Variants in RAPGEF4 observed in about 807,000 individuals in gnomAD.
RAPGEF4 encodes the protein Rap guanine nucleotide exchange factor 4.
In RAPGEF4, 66 loss-of-function variants were observed where a neutral mutation model predicts 147.9. The observed-to-expected ratio is 0.45, with a 90% CI of 0.37 to 0.55. RAPGEF4 has a LOEUF of 0.55. Ranked by LOEUF, RAPGEF4 falls within the 20% of genes least tolerant of loss-of-function variation. The pLI is 0.00. For missense variants in RAPGEF4, 1,071 were observed against 1,257.3 expected (o/e 0.85, Z 2.24); for synonymous variants, 419 against 442.7 (o/e 0.95, Z 0.67).
At chr2:172,875,079 C>G (rs1451191266) in intron 4 of RAPGEF4, among the ~76,000 whole-genome samples, 2 of 152,290 alleles carry the variant, frequency 1.3e-5, no homozygotes, top group East Asian at 3.9e-4. Context: ...CCTTTGCCCA[C>G]TTTTTGATGG....
At chr2:172,793,853 A>C (rs561331994) in intron 1 of RAPGEF4, among the ~76,000 whole-genome samples, 1 of 152,304 alleles carries the variant, frequency 6.6e-6, no homozygotes, top group African/African-American at 2.4e-5. Context: ...AAATATGAAC[A>C]GACTGGGCAT....
chr2:173,041,385 C>T (rs1684742965), intron 29 of RAPGEF4, among the ~76,000 whole-genome samples: 1 of 152,086 alleles, frequency 6.6e-6, no homozygotes, highest in Non-Finnish European at 1.5e-5. Context: ...ATTTCCCAGG[C>T]CAGGCTAAAT....
At chr2:173,013,111 C>G (rs1695179906) in intron 17 of RAPGEF4, among the ~76,000 whole-genome samples, 1 of 152,186 alleles carries the variant, frequency 6.6e-6, no homozygotes, top group Non-Finnish European at 1.5e-5. Context: ...ATGCAGTAAA[C>G]CTTTGCCTTA....
chr2:173,036,302 A>G, intron 28 of RAPGEF4, 90 bp downstream of exon 28: 3 of 1,041,088 alleles, frequency 2.9e-6, no homozygotes, highest in Non-Finnish European at 2.9e-6. Context: ...TTACTTAGGG[A>G]AGAATGATCG....
rs11397728 is a variant in RAPGEF4, at chr2:173,001,993, C to CAAAAAAAAAAAAAAAAAAAAAAAA, written c.1658+671_1658+672insAAAAAAAAAAAAAAAAAAAAAAAA. ...GCTTACCACAGGAAGGTGATGCTGGCAAAAAAAAAAAAAAAAAAAAAATCC... is the reference window on the plus strand; with the variant it reads ...GCTTACCACAGGAAGGTGATGCTGGCAAAAAAAAAAAAAAAAAAAAAAAAAAAAAAAAAAAAAAAAAAAAAATCC... On this transcript the variant is annotated intron_variant, in intron 17 of 30. Coordinates refer to ENST00000397081, the MANE Select transcript of RAPGEF4 (RefSeq NM_007023.4). 2.0e-4 allele frequency among the ~76,000 whole-genome samples: 16 copies of CAAAAAAAAAAAAAAAAAAAAAAAA among 79,322 alleles called. 3 individuals carry two copies. The highest frequency in any genetic ancestry group is 3.3e-4 in the Admixed American group (2 of 5,974). 52.0% of individuals were successfully genotyped at this position (79,322 alleles called of 152,430 possible). A position where few individuals can be genotyped will look rare whatever the true frequency, so the allele number is the denominator to read the frequency against.
chr2:173,024,299 G>C (rs2105939050), intron 23 of RAPGEF4, among the ~76,000 whole-genome samples: 1 of 138,942 alleles, frequency 7.2e-6, no homozygotes, highest in African/African-American at 2.5e-5. Flanking sequence ...CTCACTGCAA[G>C]CTCCGCCTCC....
rs200589565 is a variant in RAPGEF4 at position 173,047,258 on chromosome 2, CTG to C, written c.2854-1340_2854-1339del. Among the ~76,000 whole-genome samples the C allele has an allele frequency of 8.7e-3, 1,329 of 152,296 alleles. 16 individuals are homozygous for C. The highest frequency in any genetic ancestry group is 0.03 in the African/African-American group (1,242 of 41,552). On this transcript the variant is annotated intron_variant, in intron 29 of 30. Transcript: ENST00000397081. ...GTTTTTCCCCAGGGGATAGGAGTCT[CTG>C]TTTCTGTCCATTTTCTTTTCTCTTT...
chr2:172,925,243 T>C (rs1685169063), intron 6 of RAPGEF4, among the ~76,000 whole-genome samples: 1 of 152,198 alleles, frequency 6.6e-6, no homozygotes, highest in Non-Finnish European at 1.5e-5. Context: ...CCTTCCAAAG[T>C]GATGAGATTA....
At chr2:172,759,245 T>C (rs10164414) in intron 1 of RAPGEF4, among the ~76,000 whole-genome samples, 15,703 of 152,226 alleles carry the variant, frequency 0.1, 851 homozygotes, top group South Asian at 0.15. Context: ...AATGGTATTG[T>C]GAAGAAGCTG....
intron 1 of RAPGEF4, among the ~76,000 whole-genome samples, chr2:172,792,481 C>T (rs945611242): frequency 6.6e-6 from 1 of 152,196 alleles, no homozygotes; most frequent in African/African-American, 2.4e-5. Context: ...TGGGCACACA[C>T]ACATCAGGAT....
intron 1 of RAPGEF4, among the ~76,000 whole-genome samples, chr2:172,767,646 C>A (rs1294027670): frequency 6.6e-6 from 1 of 152,096 alleles, no homozygotes; most frequent in South Asian, 2.1e-4. Context: ...AACAAAGACA[C>A]CAAGTGGTTA....
chr2:172,820,183 T>C (rs975696369), intron 4 of RAPGEF4, among the ~76,000 whole-genome samples: 8 of 152,188 alleles, frequency 5.3e-5, no homozygotes, highest in Admixed American at 1.3e-4. Flanking sequence ...ATGAGTCCAC[T>C]GTATTCAGGA....
At chr2:172,742,677 T>C (rs958297907) in intron 1 of RAPGEF4, among the ~76,000 whole-genome samples, 1 of 152,202 alleles carries the variant, frequency 6.6e-6, no homozygotes, top group Non-Finnish European at 1.5e-5. Context: ...ACATATATAT[T>C]TGGAGTAATT....
At chr2:173,035,390 A>G (rs1276652055) in intron 27 of RAPGEF4, among the ~76,000 whole-genome samples, 2 of 151,868 alleles carry the variant, frequency 1.3e-5, no homozygotes. Context: ...AAGCACCTGT[A>G]GTCCCAGCTA....
At chr2:172,923,781 A>G (rs1375259512) in intron 6 of RAPGEF4, among the ~76,000 whole-genome samples, 1 of 152,184 alleles carries the variant, frequency 6.6e-6, no homozygotes, top group African/African-American at 2.4e-5. Flanking sequence ...AGCACAGACA[A>G]GTAGAGTAGG....
chr2:172,903,227 G>A (rs1276315836), intron 4 of RAPGEF4, among the ~76,000 whole-genome samples: 1 of 152,042 alleles, frequency 6.6e-6, no homozygotes, highest in African/African-American at 2.4e-5. Flanking sequence ...AGATTAGCTG[G>A]GCATCGTGGC....
At chr2:172,865,509 T>C (rs992368585) in intron 4 of RAPGEF4, among the ~76,000 whole-genome samples, 2 of 152,216 alleles carry the variant, frequency 1.3e-5, no homozygotes, top group Non-Finnish European at 2.9e-5. Context: ...TTAAAATATA[T>C]AGCTAGATTT....
chr2:172,928,869 G>T (rs1468549821), intron 6 of RAPGEF4, among the ~76,000 whole-genome samples: 1 of 152,152 alleles, frequency 6.6e-6, no homozygotes, highest in Non-Finnish European at 1.5e-5. Context: ...GCTTCTTCTT[G>T]CTCTCACTTA....
intron 4 of RAPGEF4, among the ~76,000 whole-genome samples, chr2:172,858,450 C>T (rs566188087): frequency 1.3e-5 from 2 of 152,134 alleles, no homozygotes; most frequent in Non-Finnish European, 2.9e-5. Context: ...AACCAGTGCT[C>T]GGATACCATA....
Sources: gnomAD v4.1 joint callset for allele counts (sites outside exome capture counted in the v4.1 genomes callset) on GRCh38, gnomAD v4.1.1 for gene constraint, MANE v1.5 for transcripts, NCBI Gene and HGNC (gene_info 2026-07-23, HGNC 2026-07-21) for gene names.